Variants in DENND5A observed in about 807,000 individuals in gnomAD.
The protein encoded by DENND5A is DENN domain-containing protein 5A.
Under a neutral mutation model 140.3 loss-of-function variants are expected in DENND5A, and 64 were observed. The observed-to-expected ratio is 0.46, with a 90% CI of 0.37 to 0.56. DENND5A has a LOEUF of 0.56. Among genes scored for constraint, DENND5A ranks in the 20% least tolerant of loss-of-function variants. DENND5A has a pLI of 0.00. For synonymous variants in DENND5A, 605 were observed against 607.7 expected, an observed-to-expected ratio of 1.00 and a Z score of 0.07; for missense variants, 1,292 against 1,593.8, an observed-to-expected ratio of 0.81 and a Z score of 3.22.
At chr11:9,141,018 C>T (rs1248608040) in intron 22 of DENND5A, among the ~76,000 whole-genome samples, 1 of 152,036 alleles carries the variant, frequency 6.6e-6, no homozygotes, top group African/African-American at 2.4e-5. Flanking sequence ...CCCAGCTACT[C>T]GGGAGGCTGA....
intron 5 of DENND5A, among the ~76,000 whole-genome samples, chr11:9,191,995 A>T (rs1849142229): frequency 6.6e-6 from 1 of 152,158 alleles, no homozygotes; most frequent in Non-Finnish European, 1.5e-5. Context: ...ATCTCAACTC[A>T]ATGATTTTAT....
At chr11:9,229,365 C>G (rs1158145222) in intron 1 of DENND5A, among the ~76,000 whole-genome samples, 15 of 151,964 alleles carry the variant, frequency 9.9e-5, no homozygotes, top group Admixed American at 9.8e-4. Context: ...AATGATACCC[C>G]TAAGTAAGAC....
chr11:9,194,915 C>T (rs1849267462), intron 4 of DENND5A, among the ~76,000 whole-genome samples: 1 of 151,158 alleles, frequency 6.6e-6, no homozygotes, highest in African/African-American at 2.4e-5. Context: ...GACGGGGTTT[C>T]ACCACCTCGG....
intron 4 of DENND5A, among the ~76,000 whole-genome samples, chr11:9,203,325 A>C (rs1377430886): frequency 6.6e-6 from 1 of 152,160 alleles, no homozygotes; most frequent in East Asian, 1.9e-4. Context: ...GGCAGAAATA[A>C]CTCTGCAGAA....
chr11:9,259,990 T>C (rs192910486), intron 1 of DENND5A, among the ~76,000 whole-genome samples: 1 of 135,220 alleles, frequency 7.4e-6, no homozygotes, highest in Non-Finnish European at 1.5e-5. Context: ...ATCACGCCAT[T>C]GCACTCCAGC....
Position 9,150,067 on chromosome 11 carries a change from C to A in DENND5A, c.2735+14G>T, listed in dbSNP as rs751975269. ...CCTGGGAGCCTGCTTCTACTCCTGG[C>A]GGAGCAGCCTTACTTGGTGAGCTCA... On this transcript the variant is annotated intron_variant, in intron 15 of 22. Coordinates refer to ENST00000328194, the MANE Select transcript of DENND5A (RefSeq NM_015213.4). 6 of 1,602,778 alleles carry A rather than the reference C, an allele frequency of 3.7e-6. No homozygotes were observed. The highest frequency in any genetic ancestry group is 5.1e-6 in the Non-Finnish European group (6 of 1,175,296).
At chr11:9,140,601 T>C (rs1474062796) in intron 22 of DENND5A, among the ~76,000 whole-genome samples, 1 of 152,174 alleles carries the variant, frequency 6.6e-6, no homozygotes, top group Non-Finnish European at 1.5e-5. Flanking sequence ...AAAAGAATCT[T>C]TCTCTGTCCC....
chr11:9,237,345 C>G (rs1413312467), intron 1 of DENND5A, among the ~76,000 whole-genome samples: 2 of 151,540 alleles, frequency 1.3e-5, no homozygotes, highest in African/African-American at 4.9e-5. Flanking sequence ...GCTCTTGAAC[C>G]CAGGAGGCAG....
At chr11:9,143,540 G>C in intron 19 of DENND5A, 55 bp from the exon 20 acceptor site, 2 of 1,439,790 alleles carry the variant, frequency 1.4e-6, no homozygotes, top group Non-Finnish European at 2.0e-6. Flanking sequence ...ACAGTGCTTA[G>C]CTGCCTGAGC....
rs536229231 is a variant in DENND5A at position 9,213,223 on chromosome 11, C to T, written c.110-5591G>A. Among the ~76,000 whole-genome samples, 9 of 151,878 alleles carry T rather than the reference C, an allele frequency of 5.9e-5. No homozygotes were observed. In the South Asian group the frequency reaches 1.7e-3, roughly 28 times the overall value. On this transcript the variant is annotated intron_variant, in intron 1 of 22. Coordinates refer to ENST00000328194, the MANE Select transcript of DENND5A (RefSeq NM_015213.4). ...GTTTCACCATGTTGGCCAGGCTGGT[C>T]TCGAACTCTTGACCGCAGGCAATCC...
intron 21 of DENND5A, among the ~76,000 whole-genome samples, chr11:9,142,387 A>T (rs954406743): frequency 1.3e-5 from 2 of 152,196 alleles, no homozygotes; most frequent in African/African-American, 4.8e-5. Context: ...AAAATTCTCC[A>T]TATGGGTGCA....
intron 15 of DENND5A, among the ~76,000 whole-genome samples, chr11:9,149,667 G>T (rs1464578052): frequency 6.6e-6 from 1 of 152,150 alleles, no homozygotes; most frequent in East Asian, 1.9e-4. Flanking sequence ...GAGGGGTGAG[G>T]GGTATGATGT....
At chr11:9,197,047 G>A (rs960338945) in intron 4 of DENND5A, among the ~76,000 whole-genome samples, 1 of 151,814 alleles carries the variant, frequency 6.6e-6, no homozygotes, top group African/African-American at 2.4e-5. Flanking sequence ...GCTCATGCCT[G>A]TAATCCTAGC....
chr11:9,265,173 C>A lies in DENND5A; in HGVS notation c.-104G>T. The stretch of plus-strand genomic sequence containing the variant: ...CAGGCCGCCCCTCCCGCCGCCGCCG[C>A]TACCGCGGCTCGGGCCGCCGCCCCC... On this transcript the variant is annotated 5_prime_UTR_variant, in exon 1 of 23. The change abolishes the stop of an existing upstream ORF in the 5' untranslated region. Transcript: ENST00000328194. The surrounding 1 kb of genome is among the most constrained non-coding windows in gnomAD (Gnocchi z 4.7). 1.7e-6 allele frequency: 1 copy of A among 596,756 alleles called. No individual in the cohort carries two copies. The highest frequency in any genetic ancestry group is 2.1e-6 in the Non-Finnish European group (1 of 472,276). 37.0% of individuals were successfully genotyped at this position (596,756 alleles called of 1,614,324 possible).
At chr11:9,195,792 G>T (rs560456385) in intron 4 of DENND5A, among the ~76,000 whole-genome samples, 1 of 152,152 alleles carries the variant, frequency 6.6e-6, no homozygotes, top group East Asian at 1.9e-4. Context: ...TGATAAATAT[G>T]TATCTATTTG....
rs1564900369 is a variant in DENND5A at position 9,180,926 on chromosome 11, GGCA to G, written c.1293_1295del (p.Ala432del). 6.2e-7 allele frequency: 1 copy of G among 1,614,176 alleles called. No homozygotes were observed. On this transcript the variant is annotated inframe_deletion, in exon 6 of 23. Coordinates refer to ENST00000328194, the MANE Select transcript of DENND5A (RefSeq NM_015213.4). ...AGGCCCGCAGCCTCTTCAGCTTGGA[GGCA>G]CTCTCACTGCAATGAAGATTCCCTT...
At chr11:9,144,439 T>C (rs934301825) in intron 18 of DENND5A, among the ~76,000 whole-genome samples, 161 bp from the exon 19 acceptor site, 5 of 152,196 alleles carry the variant, frequency 3.3e-5, no homozygotes, top group African/African-American at 1.2e-4. Context: ...AGAATCACCC[T>C]GAGTGGCATA....
At chr11:9,181,319 C>A (rs1590241817) in intron 5 of DENND5A, among the ~76,000 whole-genome samples, 1 of 152,070 alleles carries the variant, frequency 6.6e-6, no homozygotes. Context: ...GATTCTATTT[C>A]CTTAGCTGTA....
At chr11:9,216,524 C>T (rs1242312721) in intron 1 of DENND5A, among the ~76,000 whole-genome samples, 2 of 152,168 alleles carry the variant, frequency 1.3e-5, no homozygotes, top group Non-Finnish European at 2.9e-5. Context: ...TGAGATACAA[C>T]GTAACCTCCA....
Sources: gnomAD v4.1 joint callset for allele counts (sites outside exome capture counted in the v4.1 genomes callset) on GRCh38, gnomAD v4.1.1 for gene constraint, Gnocchi (gnomAD v3.1) non-coding constraint, MANE v1.5 for transcripts, NCBI Gene and HGNC (gene_info 2026-07-23, HGNC 2026-07-21) for gene names.